Variants in ZNF516 observed in about 807,000 individuals in gnomAD.
ZNF516 encodes the protein zinc finger protein 516.
In ZNF516, 19 loss-of-function variants were observed where a neutral mutation model predicts 79.7. The observed-to-expected ratio is 0.24, with a 90% confidence interval of 0.17 to 0.35. ZNF516 has a LOEUF of 0.35. Among genes scored for constraint, ZNF516 ranks in the 10% least tolerant of loss-of-function variants. The probability of loss-of-function intolerance (pLI) is 1.00; values close to 1 mark genes in which losing one functional copy is unlikely to be tolerated. For missense variants in ZNF516, 1,678 were observed against 1,679.5 expected (o/e 1.00, Z 0.02); for synonymous variants, 877 against 739.5 (o/e 1.19, Z -3.02).
At chr18:76,492,616 C>T in intron 1 of ZNF516, 2 of 638,804 alleles carry the variant, frequency 3.1e-6, no homozygotes, top group Non-Finnish European at 3.9e-6. Context: ...TTTGCCCGGG[C>T]GAGTGGGTTC....
At chr18:76,366,106 GAA>G (rs779720881) in intron 6 of ZNF516, among the ~76,000 whole-genome samples, 4 of 152,158 alleles carry the variant, frequency 2.6e-5, no homozygotes, top group Non-Finnish European at 2.9e-5. Flanking sequence ...ACCACGAAAG[GAA>G]ACTACTTTAT....
intron 1 of ZNF516, among the ~76,000 whole-genome samples, chr18:76,482,263 CAT>C (rs1267572021): frequency 6.6e-6 from 1 of 152,186 alleles, no homozygotes; most frequent in Non-Finnish European, 1.5e-5. Flanking sequence ...CTAAGACGTA[CAT>C]ATGTGATCCA....
chr18:76,491,456 TGTTATGGTGCGAA>T (rs1032274814), intron 1 of ZNF516, among the ~76,000 whole-genome samples: 1 of 134,306 alleles, frequency 7.4e-6, no homozygotes, highest in African/African-American at 2.8e-5. Flanking sequence ...CCCCCGCCTT[TGTTATGGTGCGAA>T]GTTGGGCTGT....
intron 6 of ZNF516, among the ~76,000 whole-genome samples, chr18:76,367,056 C>T (rs2074624223): frequency 6.6e-6 from 1 of 152,186 alleles, no homozygotes; most frequent in Admixed American, 6.5e-5. Flanking sequence ...GACATTCCTA[C>T]CTGGGTTTCC....
chr18:76,421,815 T>C (rs998242832), intron 3 of ZNF516, among the ~76,000 whole-genome samples: 3 of 152,190 alleles, frequency 2.0e-5, no homozygotes, highest in Admixed American at 1.3e-4. Context: ...ATAAGTATTT[T>C]CAAAGCAAAG....
chr18:76,483,665 G>T (rs888716963), intron 1 of ZNF516, among the ~76,000 whole-genome samples: 6 of 152,248 alleles, frequency 3.9e-5, no homozygotes, highest in Middle Eastern at 3.4e-3. Flanking sequence ...CTTTCCCTAT[G>T]ATTTTTTGGT....
At chr18:76,399,243 G>A (rs1044240231) in intron 3 of ZNF516, among the ~76,000 whole-genome samples, 1 of 152,148 alleles carries the variant, frequency 6.6e-6, no homozygotes, top group African/African-American at 2.4e-5. Flanking sequence ...AAGATCATCA[G>A]GACAAATGCA....
chr18:76,398,812 C>G (rs1215787952), intron 3 of ZNF516, among the ~76,000 whole-genome samples: 2 of 152,190 alleles, frequency 1.3e-5, no homozygotes, highest in African/African-American at 4.8e-5. Flanking sequence ...TAGCTAGCAC[C>G]TGCATGGCTT....
intron 3 of ZNF516, among the ~76,000 whole-genome samples, chr18:76,426,371 TGCATTAAAAG>T (rs1443163098): frequency 3.3e-5 from 5 of 152,144 alleles, no homozygotes; most frequent in Non-Finnish European, 7.3e-5. Flanking sequence ...ATTTCCCCCA[TGCATTAAAAG>T]AACATAACCT....
At position 76,443,145 on chromosome 18, in the gene ZNF516, A is replaced by G. The variant is rs1211767488; in HGVS notation, c.-91T>C. On this transcript the variant is annotated 5_prime_UTR_variant, in exon 3 of 7. Coordinates refer to ENST00000443185, the MANE Select transcript of ZNF516 (RefSeq NM_014643.4). Reference sequence around the variant, plus strand: ...CTATCTCTCCATGGTCAGAAGAGCCAAAAGACGTGCCTGCTCCCAGGAGGT... The same window carrying G: ...CTATCTCTCCATGGTCAGAAGAGCCGAAAGACGTGCCTGCTCCCAGGAGGT... The G allele has an allele frequency of 6.8e-7, 1 of 1,461,144 alleles. No individual in the cohort carries two copies. The highest frequency in any genetic ancestry group is 9.0e-7 in the Non-Finnish European group (1 of 1,112,886). The allele number at this position is 1,461,144 out of a possible 1,614,324, so 90.5% of individuals were successfully genotyped here. A position where few individuals can be genotyped will look rare whatever the true frequency, so the allele number is the denominator to read the frequency against.
chr18:76,424,447 C>T (rs1263368283), intron 3 of ZNF516, among the ~76,000 whole-genome samples: 4 of 148,656 alleles, frequency 2.7e-5, no homozygotes, highest in Admixed American at 1.3e-4. Context: ...GGTGAAAAGG[C>T]TCCCTCGAGA....
At chr18:76,391,972 C>T (rs547264973) in intron 3 of ZNF516, among the ~76,000 whole-genome samples, 1 of 152,210 alleles carries the variant, frequency 6.6e-6, no homozygotes, top group Non-Finnish European at 1.5e-5. Flanking sequence ...GGGAGAGGGA[C>T]GGCGAGGCAA....
chr18:76,402,948 C>A (rs548508440), intron 3 of ZNF516, among the ~76,000 whole-genome samples: 1 of 152,234 alleles, frequency 6.6e-6, no homozygotes, highest in Non-Finnish European at 1.5e-5. Flanking sequence ...CGAAGCTAGT[C>A]GAAGCTACAG....
chr18:76,443,678 C>A (rs1310580466), intron 2 of ZNF516, among the ~76,000 whole-genome samples: 1 of 152,192 alleles, frequency 6.6e-6, no homozygotes, highest in African/African-American at 2.4e-5. Context: ...CGGCACTTCA[C>A]ACACACAGTC....
rs754764602 is a variant in ZNF516, at chr18:76,443,043, G to A, written c.12C>T (p.Asn4=). 1.3e-6 allele frequency: 2 copies of A among 1,591,014 alleles called. No individual in the cohort carries two copies. The highest frequency in any genetic ancestry group is 2.3e-5 in the East Asian group (1 of 44,384). Reference sequence around the variant, plus strand: ...GCCTCAGCTCCATCTCGGCCTCTCTGTTGCGATCCATCCGAAGGACGGGCG... The same window carrying A: ...GCCTCAGCTCCATCTCGGCCTCTCTATTGCGATCCATCCGAAGGACGGGCG... MDR[N]REAEMELRRG... The change falls in exon 3 of 7, where the codon AAC becomes AAT. Residue 4 remains asparagine, a synonymous_variant. Transcript: ENST00000443185.
chr18:76,412,063 G>C lies in ZNF516; in HGVS notation c.1810+29182C>G, dbSNP rs372845537. ...GGGTGTGTATTCCAGATTTTTTAAT[G>C]ACCTCGGCAAAATGCAAGAGCAGCC... On this transcript the variant is annotated intron_variant, in intron 3 of 6. Transcript: ENST00000443185. Among the ~76,000 whole-genome samples the C allele has an allele frequency of 4.3e-4, 65 of 152,228 alleles. 1 individual carries two copies. The East Asian group carries it at 0.011, about 26-fold the overall frequency.
intron 3 of ZNF516, among the ~76,000 whole-genome samples, chr18:76,409,573 C>G (rs1408633475): frequency 1.3e-5 from 2 of 152,198 alleles, no homozygotes; most frequent in East Asian, 3.8e-4. Context: ...CCAGACTGTT[C>G]TTCTGGTAGG....
rs376213447 is a variant in ZNF516 at position 76,384,929 on chromosome 18, G to A, written c.1811-4626C>T. Among the ~76,000 whole-genome samples, 6 of 152,214 alleles carry A rather than the reference G, an allele frequency of 3.9e-5. No homozygotes were observed. In the South Asian group the frequency reaches 6.2e-4, roughly 16 times the overall value. On this transcript the variant is annotated intron_variant, in intron 3 of 6. Transcript: ENST00000443185. ...TAGATGGCTGCCTCTAACCCTGACCGCAGTGCCGAGGGCACACACCAGAGA... is the reference window on the plus strand; with the variant it reads ...TAGATGGCTGCCTCTAACCCTGACCACAGTGCCGAGGGCACACACCAGAGA...
In ZNF516 at chr18:76,360,870, T is replaced by G. The variant is rs548925962; in HGVS notation, c.*1628A>C. 2.0e-5 allele frequency: 3 copies of G among 149,764 alleles called. No individual in the cohort carries two copies. The highest frequency in any genetic ancestry group is 4.4e-5 in the Non-Finnish European group (3 of 67,448). The allele number at this position is 149,764 out of a possible 1,614,324, so 9.3% of individuals were successfully genotyped here. A position where few individuals can be genotyped will look rare whatever the true frequency, so the allele number is the denominator to read the frequency against. The stretch of plus-strand genomic sequence containing the variant: ...AGAACAGGAAACCCACACTTTAGGG[T>G]GTGTGTGTGTGTTTGTGTGTGTGTG... On this transcript the variant is annotated 3_prime_UTR_variant, in exon 7 of 7. Coordinates refer to ENST00000443185, the MANE Select transcript of ZNF516 (RefSeq NM_014643.4).
Sources: allele counts gnomAD v4.1 joint callset (sites outside exome capture counted in the v4.1 genomes callset), GRCh38; gene constraint gnomAD v4.1.1; transcripts MANE v1.5; gene names NCBI Gene and HGNC (gene_info 2026-07-23, HGNC 2026-07-21).